The following BCO2 variants were observed in gnomAD, a reference collection of about 807,000 sequenced individuals.
BCO2 encodes the protein beta-carotene oxygenase 2.
A neutral mutation model predicts 65.8 loss-of-function variants in BCO2; 56 were observed. The observed-to-expected ratio is 0.85, with a 90% CI of 0.69 to 1.06. The LOEUF is 1.06. Ranked by LOEUF, BCO2 falls within the 50% of genes least tolerant of loss-of-function variation. The pLI, the probability that BCO2 is intolerant of heterozygous loss-of-function variation, is 0.00. For missense variants in BCO2, 675 were observed against 698.5 expected (o/e 0.97, Z 0.38); for synonymous variants, 233 against 242.3 (o/e 0.96, Z 0.36).
Position 112,194,689 on chromosome 11 carries a change from A to G in BCO2, c.670A>G (p.Thr224Ala). The G allele has an allele frequency of 1.2e-6, 2 of 1,613,450 alleles. No homozygotes were observed. Among genetic ancestry groups the G allele is most frequent in the South Asian group, 1.1e-5 (1 of 90,960 alleles). The change falls in exon 5 of 12, where the codon ACT becomes GCT. Residue 224 changes from threonine (T) to alanine (A), a missense_variant. By Grantham distance (58) the Thr-to-Ala change is moderately conservative (BLOSUM62 0). Transcript: ENST00000357685. The stretch of plus-strand genomic sequence containing the variant: ...CAAATTTATTGCTGTGAATGGAGCA[A>G]CTGCACATCCTCATTATGACCTGGA... ...WSKFIAVNGA[T>A]AHPHYDLDGT...
chr11:112,212,704 G>A (rs1305882359), intron 8 of BCO2, among the ~76,000 whole-genome samples: 3 of 152,092 alleles, frequency 2.0e-5, no homozygotes, highest in African/African-American at 7.2e-5. Flanking sequence ...ACCCACCCAA[G>A]CCTGCTTGTC....
At chr11:112,193,173 T>C (rs1867450224) in intron 2 of BCO2, among the ~76,000 whole-genome samples, 1 of 151,478 alleles carries the variant, frequency 6.6e-6, no homozygotes, top group African/African-American at 2.4e-5. Context: ...AGAGATGGGA[T>C]TTCACCACGT....
chr11:112,218,547 C>T lies in BCO2; in HGVS notation c.*673C>T, dbSNP rs1389809078. 1 of 256,140 alleles carries T rather than the reference C, an allele frequency of 3.9e-6. No homozygotes were observed. The highest frequency in any genetic ancestry group is 9.7e-5 in the East Asian group (1 of 10,272). The allele number at this position is 256,140 out of a possible 1,614,324, so 15.9% of individuals were successfully genotyped here. A position where few individuals can be genotyped will look rare whatever the true frequency, so the allele number is the denominator to read the frequency against. Reference sequence around the variant, plus strand: ...AGTCCCATGGTGCTGAACACCAACTCACCCTAATTAAGGTTGATGACAACA... The same window carrying T: ...AGTCCCATGGTGCTGAACACCAACTTACCCTAATTAAGGTTGATGACAACA... On this transcript the variant is annotated 3_prime_UTR_variant, in exon 12 of 12. Coordinates refer to ENST00000357685, the MANE Select transcript of BCO2 (RefSeq NM_031938.7).
rs200114568 is a variant in BCO2, at chr11:112,195,139, AT to A, written c.736+399del. Among the ~76,000 whole-genome samples, 578 of 143,588 alleles carry A rather than the reference AT, an allele frequency of 4.0e-3. 2 individuals carry two copies. The highest frequency in any genetic ancestry group is 0.022 in the South Asian group (98 of 4,552). 94.2% of individuals were successfully genotyped at this position (143,588 alleles called of 152,430 possible). On this transcript the variant is annotated intron_variant, in intron 5 of 11. Coordinates refer to ENST00000357685, the MANE Select transcript of BCO2 (RefSeq NM_031938.7). ...ATACTATTTCACCATTCTAAACTAC[AT>A]TTTTTTTTTTTTTTGAGATGGAGTC...
intron 10 of BCO2, among the ~76,000 whole-genome samples, chr11:112,215,936 T>C (rs906651530): frequency 6.6e-6 from 1 of 152,012 alleles, no homozygotes; most frequent in African/African-American, 2.4e-5. Context: ...GGAGGTGCCA[T>C]GCTCCTTTAA....
At chr11:112,177,062 T>G (rs1866906238) in intron 1 of BCO2, among the ~76,000 whole-genome samples, 1 of 152,194 alleles carries the variant, frequency 6.6e-6, no homozygotes, top group African/African-American at 2.4e-5. Context: ...GTAAAATGCT[T>G]TAAATTTGTG....
At chr11:112,215,550 A>G (rs1435055108) in intron 10 of BCO2, 2 of 153,742 alleles carry the variant, frequency 1.3e-5, no homozygotes, top group Non-Finnish European at 2.9e-5. Context: ...CTCTACTAAA[A>G]ATACAAAAAT....
chr11:112,194,577 A>G, intron 4 of BCO2, 76 bp from the exon 5 acceptor site: 3 of 874,512 alleles, frequency 3.4e-6, no homozygotes, highest in South Asian at 3.0e-5. Context: ...TTTTAAAAAC[A>G]TTAGATATTT....
At position 112,194,673 on chromosome 11, in the gene BCO2, T is replaced by C. The variant is rs376257331; in HGVS notation, c.654T>C (p.Ile218=). The part of the protein sequence containing the change: ...KTEKVDWSKF[I]AVNGATAHPH... Reference sequence around the variant, plus strand: ...TGCAGGTAGATTGGAGCAAATTTATTGCTGTGAATGGAGCAACTGCACATC... The same window carrying C: ...TGCAGGTAGATTGGAGCAAATTTATCGCTGTGAATGGAGCAACTGCACATC... Residue 218 remains isoleucine (I), a synonymous_variant, in exon 5 of 12, where the codon ATT becomes ATC. Coordinates refer to ENST00000357685, the MANE Select transcript of BCO2 (RefSeq NM_031938.7). 6.2e-7 allele frequency: 1 copy of C among 1,612,652 alleles called. No homozygotes were observed. Among genetic ancestry groups the C allele is most frequent in the African/African-American group, 1.3e-5 (1 of 74,998 alleles).
At chr11:112,217,390 T>C (rs992769488) in intron 11 of BCO2, among the ~76,000 whole-genome samples, 2 of 152,194 alleles carry the variant, frequency 1.3e-5, no homozygotes, top group African/African-American at 4.8e-5. Flanking sequence ...AAAGACAGGG[T>C]CTCGCTCTGT....
At position 112,214,830 on chromosome 11, in the gene BCO2, G is replaced by C. The variant is rs371634319; in HGVS notation, c.1401G>C (p.Gln467His). Residue 467 changes from glutamine (Q) to histidine (H), a missense_variant, in exon 10 of 12, where the codon CAG (glutamine) becomes CAC (histidine). Physicochemically the swap from Gln to His is conservative, Grantham distance 24. Coordinates refer to ENST00000357685, the MANE Select transcript of BCO2 (RefSeq NM_031938.7). The stretch of plus-strand genomic sequence containing the variant: ...AGGAAGGAGGCATTGAATTTCCTCA[G>C]ATCTACTATGATCGATTCAGTGGCA... ...LEKEGGIEFP[Q>H]IYYDRFSGKK... 5 of 1,614,036 alleles carry C rather than the reference G, an allele frequency of 3.1e-6. No individual in the cohort carries two copies. The highest frequency in any genetic ancestry group is 1.1e-5 in the South Asian group (1 of 91,084).
At chr11:112,203,878 G>A (rs938513579) in intron 8 of BCO2, among the ~76,000 whole-genome samples, 3 of 150,416 alleles carry the variant, frequency 2.0e-5, no homozygotes, top group East Asian at 1.9e-4. Flanking sequence ...TTTTTGAGAC[G>A]GAGTCTCACT....
Position 112,217,741 on chromosome 11 carries a change from T to C in BCO2, c.1627-20T>C, listed in dbSNP as rs1194938515. 1 of 1,545,438 alleles carries C rather than the reference T, an allele frequency of 6.5e-7. No homozygotes were observed. The highest frequency in any genetic ancestry group is 1.7e-5 in the Admixed American group (1 of 57,720). Reference sequence around the variant, plus strand: ...TTGATGAAAAAAAGATAATTTTCAATATTGTCTTTTCTTTTCTAGAATGAA... The same window carrying C: ...TTGATGAAAAAAAGATAATTTTCAACATTGTCTTTTCTTTTCTAGAATGAA... On this transcript the variant is annotated intron_variant, in intron 11 of 11. Transcript: ENST00000357685.
chr11:112,185,790 C>A (rs1867183721), intron 2 of BCO2, among the ~76,000 whole-genome samples: 1 of 152,104 alleles, frequency 6.6e-6, no homozygotes, highest in African/African-American at 2.4e-5. Flanking sequence ...ATACAATTTA[C>A]CATCTTAACC....
At chr11:112,191,787 A>G (rs1246246211) in intron 2 of BCO2, among the ~76,000 whole-genome samples, 1 of 152,204 alleles carries the variant, frequency 6.6e-6, no homozygotes, top group African/African-American at 2.4e-5. Context: ...GATGAATGAC[A>G]TAGAATAGAA....
intron 2 of BCO2, among the ~76,000 whole-genome samples, chr11:112,191,862 C>T (rs1867400486): frequency 6.6e-6 from 1 of 152,062 alleles, no homozygotes; most frequent in Non-Finnish European, 1.5e-5. Context: ...CATCTCAAAT[C>T]ATTGGGTTAA....
chr11:112,184,806 G>A (rs546561014), intron 2 of BCO2, among the ~76,000 whole-genome samples: 1 of 152,040 alleles, frequency 6.6e-6, no homozygotes, highest in Non-Finnish European at 1.5e-5. Context: ...TCTACCCCAA[G>A]TGCAGGGATA....
At chr11:112,211,923 A>G (rs1020036772) in intron 8 of BCO2, among the ~76,000 whole-genome samples, 1 of 152,194 alleles carries the variant, frequency 6.6e-6, no homozygotes, top group African/African-American at 2.4e-5. Context: ...ATATAATGTA[A>G]TCTACCATTA....
intron 9 of BCO2, among the ~76,000 whole-genome samples, chr11:112,214,296 G>A (rs2518366): frequency 0.18 from 26,880 of 151,984 alleles, 2,780 homozygotes; most frequent in Middle Eastern, 0.23. Flanking sequence ...ACAGGCACCT[G>A]TCACCACGCC....
Sources: gnomAD v4.1 joint callset for allele counts (sites outside exome capture counted in the v4.1 genomes callset) on GRCh38, gnomAD v4.1.1 for gene constraint, MANE v1.5 for transcripts, NCBI Gene and HGNC (gene_info 2026-07-23, HGNC 2026-07-21) for gene names.